The following ZDHHC9 variants were observed in gnomAD, a reference collection of about 807,000 sequenced individuals.
ZDHHC9 encodes the protein palmitoyltransferase ZDHHC9.
A neutral mutation model predicts 26.6 loss-of-function variants in ZDHHC9; 3 were observed. The ratio of observed to expected loss-of-function variants is 0.11; its 90% confidence interval spans 0.05 to 0.29. ZDHHC9 has a LOEUF of 0.29. ZDHHC9 is among the 10% of genes least tolerant of loss of function. The probability of loss-of-function intolerance (pLI) is 1.00; values close to 1 mark genes in which losing one functional copy is unlikely to be tolerated. For missense variants in ZDHHC9, 146 were observed against 296.4 expected, an observed-to-expected ratio of 0.49 and a Z score of 3.73; for synonymous variants, 111 against 109.4, an observed-to-expected ratio of 1.01 and a Z score of -0.09.
At chrX:129,842,449 C>G (rs1386519395) in intron 2 of ZDHHC9, among the ~76,000 whole-genome samples, 1 of 112,785 alleles carries the variant, frequency 8.9e-6, no homozygotes, top group Non-Finnish European at 1.9e-5. Flanking sequence ...TCCAGGACCA[C>G]ACAGCAGCAA....
At position 129,808,770 on chromosome X, in the gene ZDHHC9, T is replaced by C. The variant is rs185245167; in HGVS notation, c.978+2135A>G. 4.3e-3 allele frequency among the ~76,000 whole-genome samples: 482 copies of C among 111,523 alleles called. 2 individuals are homozygous for C. Among genetic ancestry groups the C allele is most frequent in the African/African-American group, 0.015 (456 of 30,688 alleles). On this transcript the variant is annotated intron_variant, in intron 10 of 10. Coordinates refer to ENST00000357166, the MANE Select transcript of ZDHHC9 (RefSeq NM_016032.4). ...CTCCAAAGGACACTATCAAGAAAAT[T>C]AAAAGATAACCCATGGAATAGGAGA...
chrX:129,810,927 C>T lies in ZDHHC9; in HGVS notation c.956G>A (p.Ser319Asn), dbSNP rs1257638520. 1 of 1,210,935 alleles carries T rather than the reference C, an allele frequency of 8.3e-7. No individual in the cohort carries two copies. Among genetic ancestry groups the T allele is most frequent in the African/African-American group, 1.7e-5 (1 of 57,726 alleles). ...TACTGGGCTCTGTGGCAAGAGGCTG[C>T]TACTGGTCTCTTGAGTACTGGGAGG... is the stretch of plus-strand genomic sequence containing the variant. ...SRPPSTQETS[S>N]SLLPQSPAPT... The change falls in exon 10 of 11, where the codon AGC becomes AAC. Residue 319 changes from serine (S) to asparagine (N), a missense_variant. Ser to Asn is a conservative substitution (Grantham distance 46). This residue lies in a region of ZDHHC9 where 46 missense variants were observed against 46.4 expected (regional missense o/e 0.99). Coordinates refer to ENST00000357166, the MANE Select transcript of ZDHHC9 (RefSeq NM_016032.4).
At chrX:129,810,414 A>G (rs1489217173) in intron 10 of ZDHHC9, among the ~76,000 whole-genome samples, 1 of 111,203 alleles carries the variant, frequency 9.0e-6, no homozygotes, top group East Asian at 2.8e-4. Flanking sequence ...TATACTTTAT[A>G]TATCTTAAAT....
intron 2 of ZDHHC9, among the ~76,000 whole-genome samples, chrX:129,842,508 G>A (rs1451068845): frequency 8.9e-6 from 1 of 112,955 alleles, no homozygotes; most frequent in Non-Finnish European, 1.9e-5. Flanking sequence ...CTATGCCACA[G>A]TGTTCTTTCA....
At position 129,811,411 on chromosome X, in the gene ZDHHC9, G is replaced by A. The variant is rs1556004557; in HGVS notation, c.876C>T (p.Pro292=). 1 of 1,208,473 alleles carries A rather than the reference G, an allele frequency of 8.3e-7. No individual in the cohort carries two copies. Among genetic ancestry groups the A allele is most frequent in the Non-Finnish European group, 1.1e-6 (1 of 893,451 alleles). ...NCCEVLCGPL[P]PSVLDRRGIL... Reference sequence around the variant, plus strand: ...CTTTTGAGTGCCCTGAGCACCTGGGGGGCAAGGGGCCACACAGCACTTCAC... The same window carrying A: ...CTTTTGAGTGCCCTGAGCACCTGGGAGGCAAGGGGCCACACAGCACTTCAC... Residue 292 remains proline, a synonymous_variant, in exon 9 of 11, where the codon CCC becomes CCT. Coordinates refer to ENST00000357166, the MANE Select transcript of ZDHHC9 (RefSeq NM_016032.4).
At position 129,804,612 on chromosome X, in the gene ZDHHC9, T is replaced by C. The variant is rs990748201; in HGVS notation, c.*1758A>G. 7.2e-5 allele frequency: 8 copies of C among 111,668 alleles called. No homozygotes were observed. Among genetic ancestry groups the C allele is most frequent in the African/African-American group, 2.6e-4 (8 of 30,693 alleles). 9.2% of individuals were successfully genotyped at this position (111,668 alleles called of 1,213,427 possible). A position where few individuals can be genotyped will look rare whatever the true frequency, so the allele number is the denominator to read the frequency against. ...TGAGCCTGCGTTAATAACTAAGACT[T>C]ATTAGCAATTAACGGCATCCATCTG... On this transcript the variant is annotated 3_prime_UTR_variant, in exon 11 of 11. Transcript: ENST00000357166.
At chrX:129,821,646 G>A (rs988039124) in intron 5 of ZDHHC9, among the ~76,000 whole-genome samples, 2 of 108,747 alleles carry the variant, frequency 1.8e-5, no homozygotes, top group African/African-American at 3.3e-5. Context: ...TTCGACAGCC[G>A]GGTGTGGTGG....
rs1221729516 is a variant in ZDHHC9, at chrX:129,811,811, T to C, written c.778-302A>G. 2.2e-4 allele frequency among the ~76,000 whole-genome samples: 24 copies of C among 109,876 alleles called. No individual in the cohort carries two copies. In the Admixed American group the frequency reaches 2.3e-3, roughly 11 times the overall value. ...CACACTTTATATCATGTATATTTTA[T>C]CACAACAAAAAAGAAATACATACAC... On this transcript the variant is annotated intron_variant, in intron 8 of 10. Transcript: ENST00000357166.
At chrX:129,839,567 T>A (rs927012666) in intron 3 of ZDHHC9, among the ~76,000 whole-genome samples, 1 of 110,616 alleles carries the variant, frequency 9.0e-6, no homozygotes, top group Non-Finnish European at 1.9e-5. Flanking sequence ...CCCCACTATG[T>A]GGTGGACAGG....
intron 8 of ZDHHC9, among the ~76,000 whole-genome samples, 176 bp from the exon 9 acceptor site, chrX:129,811,685 CAAT>C (rs1309925116): frequency 9.0e-6 from 1 of 111,603 alleles, no homozygotes; most frequent in African/African-American, 3.3e-5. Flanking sequence ...GGTTGCACAA[CAAT>C]GTGATGCCAC....
intron 5 of ZDHHC9, among the ~76,000 whole-genome samples, chrX:129,822,597 C>T (rs1927916109): frequency 9.1e-6 from 1 of 110,479 alleles, no homozygotes. Flanking sequence ...GCACACGTAT[C>T]CCAGAACTTA....
intron 10 of ZDHHC9, 95 bp downstream of exon 10, chrX:129,810,810 T>G (rs926300695): frequency 1.6e-4 from 116 of 740,550 alleles, no homozygotes; most frequent in East Asian, 3.0e-4. Flanking sequence ...GAAGCTGGGG[T>G]GATTAGAATA....
At chrX:129,812,517 T>A (rs1927665676) in intron 8 of ZDHHC9, among the ~76,000 whole-genome samples, 1 of 112,367 alleles carries the variant, frequency 8.9e-6, no homozygotes, top group African/African-American at 3.2e-5. Context: ...CTTTTCAACC[T>A]CTTCTTCCTA....
chrX:129,825,925 C>T (rs1928007057), intron 4 of ZDHHC9, among the ~76,000 whole-genome samples: 1 of 111,682 alleles, frequency 9.0e-6, no homozygotes, highest in Non-Finnish European at 1.9e-5. Flanking sequence ...AAGGGTATGA[C>T]CCTTTAAAGT....
At chrX:129,806,751 A>T (rs1317646249) in intron 10 of ZDHHC9, among the ~76,000 whole-genome samples, 1 of 112,027 alleles carries the variant, frequency 8.9e-6, no homozygotes. Flanking sequence ...AATAGGAATC[A>T]CAAATAATTA....
chrX:129,818,917 A>G (rs1356150631), intron 5 of ZDHHC9, among the ~76,000 whole-genome samples: 3 of 111,328 alleles, frequency 2.7e-5, no homozygotes, highest in Non-Finnish European at 3.8e-5. Context: ...TCACACCAGT[A>G]ATCCCAGCAC....
Position 129,827,505 on chromosome X carries a change from G to C in ZDHHC9, c.328+1476C>G, listed in dbSNP as rs192564383. 9.9e-5 allele frequency among the ~76,000 whole-genome samples: 11 copies of C among 110,642 alleles called. No homozygotes were observed. In the East Asian group the frequency reaches 3.2e-3, roughly 32 times the overall value. On this transcript the variant is annotated intron_variant, in intron 4 of 10. Transcript: ENST00000357166. ...CCTGAGAACCATTTAGGTAGGCACT[G>C]CTGTTGATCTGGTGGGCTCCCACTC...
rs1319048946 is a variant in ZDHHC9 at position 129,804,584 on chromosome X, T to G, written c.*1786A>C. The G allele has an allele frequency of 1.8e-5, 2 of 111,435 alleles. No individual in the cohort carries two copies. Among genetic ancestry groups the G allele is most frequent in the Non-Finnish European group, 3.8e-5 (2 of 53,011 alleles). The allele number at this position is 111,435 out of a possible 1,213,427, so 9.2% of individuals were successfully genotyped here. A position where few individuals can be genotyped will look rare whatever the true frequency, so the allele number is the denominator to read the frequency against. On this transcript the variant is annotated 3_prime_UTR_variant, in exon 11 of 11. Transcript: ENST00000357166. ...ATCAAATATTTCCAAGGGGGGGCCCTGATGAGCCTGCGTTAATAACTAAGA... is the reference window on the plus strand; with the variant it reads ...ATCAAATATTTCCAAGGGGGGGCCCGGATGAGCCTGCGTTAATAACTAAGA...
intron 5 of ZDHHC9, among the ~76,000 whole-genome samples, chrX:129,816,127 G>A (rs974188540): frequency 5.4e-5 from 6 of 111,994 alleles, no homozygotes; most frequent in African/African-American, 9.7e-5. Flanking sequence ...AACTGCGTGC[G>A]TCCACTTGTA....
Sources: gnomAD v4.1 joint callset for allele counts (sites outside exome capture counted in the v4.1 genomes callset) on GRCh38, gnomAD v4.1.1 for gene constraint, gnomAD v4.1.1 regional missense constraint, MANE v1.5 for transcripts, NCBI Gene and HGNC (gene_info 2026-07-23, HGNC 2026-07-21) for gene names.